Variants in SORBS3 observed in about 807,000 individuals in gnomAD.
SORBS3 encodes the protein vinexin.
SORBS3 carries 69 observed loss-of-function variants against 98.0 expected under a neutral mutation model. That is an observed-to-expected ratio of 0.70 (90% CI 0.58 to 0.86). The LOEUF (loss-of-function observed/expected upper bound fraction) is 0.86, where lower values mean the gene tolerates loss of function less well. SORBS3 is among the 40% of genes least tolerant of loss of function. The pLI, the probability that SORBS3 is intolerant of heterozygous loss-of-function variation, is 0.00. For missense variants in SORBS3, 954 were observed against 908.5 expected (o/e 1.05, Z -0.64); for synonymous variants, 394 against 355.4 (o/e 1.11, Z -1.22).
intron 9 of SORBS3, 49 bp from the exon 10 acceptor site, chr8:22,564,419 T>C: frequency 6.2e-7 from 1 of 1,613,664 alleles, no homozygotes; most frequent in Non-Finnish European, 8.5e-7. Flanking sequence ...AGCTGATACA[T>C]TTTGGAAAGT....
chr8:22,546,033 T>C (rs1840012483), intron 1 of SORBS3, among the ~76,000 whole-genome samples: 1 of 152,224 alleles, frequency 6.6e-6, no homozygotes, highest in South Asian at 2.1e-4. Context: ...GGTGGTGTGA[T>C]ATTTTTTCAA....
intron 7 of SORBS3, among the ~76,000 whole-genome samples, chr8:22,562,634 T>C (rs1217118797): frequency 6.6e-6 from 1 of 152,226 alleles, no homozygotes; most frequent in Non-Finnish European, 1.5e-5. Context: ...ATTTGGACGC[T>C]GAGTTCTGGG....
intron 11 of SORBS3, 167 bp downstream of exon 11, chr8:22,565,521 C>G (rs1415109144): frequency 1.7e-6 from 1 of 597,494 alleles, no homozygotes; most frequent in Non-Finnish European, 2.5e-6. Context: ...CTCGCTCCTC[C>G]ATAAATAAAA....
upstream of SORBS3, chr8:22,549,853 A>C (rs1840056505): frequency 2.6e-6 from 1 of 391,074 alleles, no homozygotes. Context: ...GAAGTGGGGA[A>C]CTTTGTCAGC....
At chr8:22,568,582 A>G (rs1840484410) in intron 16 of SORBS3, among the ~76,000 whole-genome samples, 2 of 152,288 alleles carry the variant, frequency 1.3e-5, no homozygotes, top group South Asian at 2.1e-4. Context: ...TTCACAAAGT[A>G]TATACAGTAT....
intron 1 of SORBS3, among the ~76,000 whole-genome samples, chr8:22,553,748 C>G (rs143864962): frequency 6.6e-6 from 1 of 152,340 alleles, no homozygotes; most frequent in Non-Finnish European, 1.5e-5. Flanking sequence ...AGCACCAACT[C>G]TCCATGGGCA....
chr8:22,570,880 C>A, intron 17 of SORBS3, 30 bp from the exon 18 acceptor site: 1 of 1,560,144 alleles, frequency 6.4e-7, no homozygotes, highest in Non-Finnish European at 8.7e-7. Context: ...ACCAGGAAGG[C>A]CCCACAGACA....
At chr8:22,558,818 T>C (rs560722850) in intron 5 of SORBS3, among the ~76,000 whole-genome samples, 2 of 152,202 alleles carry the variant, frequency 1.3e-5, no homozygotes, top group East Asian at 1.9e-4. Flanking sequence ...TTGTAAGCGG[T>C]GTTTGATCAG....
chr8:22,574,938 C>T lies in SORBS3; in HGVS notation c.*210C>T, dbSNP rs188618445. 111 of 688,568 alleles carry T rather than the reference C, an allele frequency of 1.6e-4. No homozygotes were observed. In the East Asian group the frequency reaches 3.0e-3, roughly 19 times the overall value. 42.7% of individuals were successfully genotyped at this position (688,568 alleles called of 1,614,324 possible). ...ACTCACAGGCATTCCTCCCACAGCC[C>T]TTTCATTTCCTCCCCACCCCACTCC... On this transcript the variant is annotated 3_prime_UTR_variant, in exon 21 of 21. Transcript: ENST00000240123.
In SORBS3 at chr8:22,554,488, C is replaced by CTCCCACCTT; in HGVS notation, c.-18_-10dup. 6.2e-7 allele frequency: 1 copy of CTCCCACCTT among 1,606,532 alleles called. No individual in the cohort carries two copies. The highest frequency in any genetic ancestry group is 1.1e-5 in the South Asian group (1 of 90,604). The stretch of plus-strand genomic sequence containing the variant: ...AGGAGCAGCTGGCTTGCCCGGAGTC[C>CTCCCACCTT]TCCCACCTTGACCCAAGCATGCAGG... On this transcript the variant is annotated 5_prime_UTR_variant, in exon 2 of 21. It removes the in-frame stop codon of an upstream open reading frame in the 5' UTR. Coordinates refer to ENST00000240123, the MANE Select transcript of SORBS3 (RefSeq NM_005775.5). The surrounding 1 kb of genome is among the most constrained non-coding windows in gnomAD (Gnocchi z 6.5).
chr8:22,571,898 C>G (rs537153400), intron 19 of SORBS3, 77 bp downstream of exon 19: 3 of 1,043,438 alleles, frequency 2.9e-6, no homozygotes, highest in Non-Finnish European at 4.5e-6. Flanking sequence ...CCACCCTCCC[C>G]CAAGTCCCCA....
At chr8:22,564,622 T>G in intron 10 of SORBS3, 101 bp downstream of exon 10, 2 of 1,511,496 alleles carry the variant, frequency 1.3e-6, no homozygotes, top group Non-Finnish European at 9.1e-7. Context: ...AACTAAGAGC[T>G]CTCTCTCCAG....
chr8:22,569,782 G>A (rs112361935), intron 17 of SORBS3, among the ~76,000 whole-genome samples: 1,521 of 151,562 alleles, frequency 0.01, 23 homozygotes, highest in African/African-American at 0.035. Flanking sequence ...TATGTTGCCC[G>A]GGCTGACCTT....
Position 22,574,670 on chromosome 8 carries a change from T to G in SORBS3, c.1958T>G (p.Val653Gly), listed in dbSNP as rs770257664. Residue 653 changes from valine (V) to glycine (G), a missense_variant, in exon 21 of 21, where the codon GTC becomes GGC. Physicochemically the swap from Val to Gly is moderately radical, Grantham distance 109. Coordinates refer to ENST00000240123, the MANE Select transcript of SORBS3 (RefSeq NM_005775.5). Reference protein sequence around the residue: ...QQCDDGWFVGVSRRTQKFGTF... With the variant: ...QQCDDGWFVGGSRRTQKFGTF... ...CTTCCTGCCTTTCCTCTTTCAGGTG[T>G]CTCCCGGAGGACCCAGAAATTCGGA... 1 of 1,612,564 alleles carries G rather than the reference T, an allele frequency of 6.2e-7. No homozygotes were observed. The highest frequency in any genetic ancestry group is 1.1e-5 in the South Asian group (1 of 91,040).
In SORBS3 at chr8:22,554,350, C is replaced by T. The variant is rs1586889046; in HGVS notation, c.-55-102C>T. ...GCTAGTACCCAGCTGGTCCTGACCCCCTCCCACAGCCGGCCCCTCCTCCCC... is the reference window on the plus strand; with the variant it reads ...GCTAGTACCCAGCTGGTCCTGACCCTCTCCCACAGCCGGCCCCTCCTCCCC... On this transcript the variant is annotated intron_variant, in intron 1 of 20. Coordinates refer to ENST00000240123, the MANE Select transcript of SORBS3 (RefSeq NM_005775.5). The surrounding 1 kb of genome is among the most constrained non-coding windows in gnomAD (Gnocchi z 6.5). 5 of 1,252,170 alleles carry T rather than the reference C, an allele frequency of 4.0e-6. No individual in the cohort carries two copies. Among genetic ancestry groups the T allele is most frequent in the Admixed American group, 2.9e-5 (1 of 34,704 alleles). 77.6% of individuals were successfully genotyped at this position (1,252,170 alleles called of 1,614,324 possible).
Position 22,561,932 on chromosome 8 carries a change from G to C in SORBS3, c.584+1G>C. ...CCGGCCCGGCAACATCTTCCAGTGG[G>C]TGAGCACAGTGGGGCGGGGCCGAGG... On this transcript the variant is annotated splice_donor_variant, in intron 7 of 20. Coordinates refer to ENST00000240123, the MANE Select transcript of SORBS3 (RefSeq NM_005775.5). LOFTEE classifies it high-confidence loss of function. The C allele has an allele frequency of 6.2e-7, 1 of 1,614,026 alleles. No individual in the cohort carries two copies. Among genetic ancestry groups the C allele is most frequent in the Non-Finnish European group, 8.5e-7 (1 of 1,179,952 alleles).
At chr8:22,557,979 TAA>T in intron 4 of SORBS3, 148 bp from the exon 5 acceptor site, 1 of 738,494 alleles carries the variant, frequency 1.4e-6, no homozygotes, top group Non-Finnish European at 2.5e-6. Flanking sequence ...CTATTGTTAT[TAA>T]AGAGATCGCA....
chr8:22,557,616 G>A (rs1840209497), intron 4 of SORBS3, among the ~76,000 whole-genome samples: 1 of 151,806 alleles, frequency 6.6e-6, no homozygotes. Flanking sequence ...GACCAGCCTG[G>A]GCAACATAGT....
Position 22,572,575 on chromosome 8 carries a change from T to C in SORBS3, c.1954+129T>C, listed in dbSNP as rs1586909764. ...CCCCCGACTCAGCTTCCGGCCGGGCTACTGGGGGGGCCTGGCACCCGATGC... is the reference window on the plus strand; with the variant it reads ...CCCCCGACTCAGCTTCCGGCCGGGCCACTGGGGGGGCCTGGCACCCGATGC... On this transcript the variant is annotated intron_variant, in intron 20 of 20. Transcript: ENST00000240123. 30 of 745,024 alleles carry C rather than the reference T, an allele frequency of 4.0e-5. No homozygotes were observed. In the East Asian group the frequency reaches 8.1e-4, roughly 20 times the overall value. 46.2% of individuals were successfully genotyped at this position (745,024 alleles called of 1,614,324 possible). A position where few individuals can be genotyped will look rare whatever the true frequency, so the allele number is the denominator to read the frequency against.
Sources: allele counts gnomAD v4.1 joint callset (sites outside exome capture counted in the v4.1 genomes callset), GRCh38; gene constraint gnomAD v4.1.1; non-coding constraint Gnocchi (gnomAD v3.1); transcripts MANE v1.5; gene names NCBI Gene and HGNC (gene_info 2026-07-23, HGNC 2026-07-21).